Variants in SMYD4 observed in about 807,000 individuals in gnomAD.
The protein encoded by SMYD4 is SET and MYND domain containing 4.
In SMYD4, 68 loss-of-function variants were observed where a neutral mutation model predicts 72.8. The ratio of observed to expected loss-of-function variants is 0.93; its 90% CI spans 0.77 to 1.14. The LOEUF is 1.14. SMYD4 is among the 50% of genes most tolerant of loss of function. The pLI, the probability that SMYD4 is intolerant of heterozygous loss-of-function variation, is 0.00. For missense variants in SMYD4, 984 were observed against 1,003.7 expected (o/e 0.98, Z 0.27); for synonymous variants, 407 against 388.6 (o/e 1.05, Z -0.56).
intron 7 of SMYD4, among the ~76,000 whole-genome samples, chr17:1,784,759 G>A (rs913809941): frequency 1.3e-5 from 2 of 152,130 alleles, no homozygotes; most frequent in Admixed American, 6.6e-5. Context: ...TTGGGGCCAG[G>A]ACTTTAGATG....
rs1909604998 is a variant in SMYD4 at position 1,799,785 on chromosome 17, A to C, written c.1537+72T>G. ...TTGTTTGAATCCTATTTTCCTTTGG[A>C]ATTGTTTCTTCTCAAACACCTGCTC... On this transcript the variant is annotated intron_variant, in intron 5 of 10. Coordinates refer to ENST00000305513, the MANE Select transcript of SMYD4 (RefSeq NM_052928.3). 19 of 1,404,468 alleles carry C rather than the reference A, an allele frequency of 1.4e-5. No homozygotes were observed. In the South Asian group the frequency reaches 2.6e-4, roughly 19 times the overall value. The allele number at this position is 1,404,468 out of a possible 1,614,324, so 87.0% of individuals were successfully genotyped here. A position where few individuals can be genotyped will look rare whatever the true frequency, so the allele number is the denominator to read the frequency against.
chr17:1,825,146 G>A lies in SMYD4; in HGVS notation c.134+2715C>T, dbSNP rs1188792045. Among the ~76,000 whole-genome samples, 3 of 152,210 alleles carry A rather than the reference G, an allele frequency of 2.0e-5. No homozygotes were observed. In the East Asian group the frequency reaches 5.8e-4, roughly 29 times the overall value. ...ACGTGAGAATGGAGTAACATGAGTA[G>A]GAATTTAATTTTAATAACTGAGGCA... On this transcript the variant is annotated intron_variant, in intron 2 of 10. Coordinates refer to ENST00000305513, the MANE Select transcript of SMYD4 (RefSeq NM_052928.3).
chr17:1,779,622 G>GT lies in SMYD4; in HGVS notation c.*1663dup, dbSNP rs1261975982. On this transcript the variant is annotated 3_prime_UTR_variant, in exon 11 of 11. Coordinates refer to ENST00000305513, the MANE Select transcript of SMYD4 (RefSeq NM_052928.3). ...AAGAGTACAGAATGAAGGGCAGAGA[G>GT]TAAGGACTGGAAAACTGGCAGGAAA... 6.6e-6 allele frequency: 1 copy of GT among 152,276 alleles called. No homozygotes were observed. Among genetic ancestry groups the GT allele is most frequent in the African/African-American group, 2.4e-5 (1 of 41,480 alleles). The allele number at this position is 152,276 out of a possible 1,614,324, so 9.4% of individuals were successfully genotyped here. A position where few individuals can be genotyped will look rare whatever the true frequency, so the allele number is the denominator to read the frequency against.
chr17:1,817,141 G>A (rs1339737937), intron 2 of SMYD4, among the ~76,000 whole-genome samples: 1 of 150,860 alleles, frequency 6.6e-6, no homozygotes, highest in Non-Finnish European at 1.5e-5. Context: ...GGGTTCAAGT[G>A]ATTCTCCTGC....
At chr17:1,801,424 T>C (rs1250831098) in intron 4 of SMYD4, among the ~76,000 whole-genome samples, 1 of 151,366 alleles carries the variant, frequency 6.6e-6, no homozygotes, top group Non-Finnish European at 1.5e-5. Context: ...GTATTTTTAG[T>C]AGAGACGGGG....
chr17:1,808,793 A>AAAAG (rs1156277998), intron 3 of SMYD4, among the ~76,000 whole-genome samples: 2 of 152,244 alleles, frequency 1.3e-5, no homozygotes, highest in Non-Finnish European at 2.9e-5. Flanking sequence ...TAGCTCTGAA[A>AAAAG]AAAGAACTAT....
intron 3 of SMYD4, among the ~76,000 whole-genome samples, chr17:1,809,437 C>T (rs1040611981): frequency 6.6e-6 from 1 of 150,860 alleles, no homozygotes; most frequent in Non-Finnish European, 1.5e-5. Flanking sequence ...TGCAGTGGTG[C>T]GATCTCGGCT....
At chr17:1,801,863 C>G (rs1909779662) in intron 4 of SMYD4, among the ~76,000 whole-genome samples, 1 of 151,846 alleles carries the variant, frequency 6.6e-6, no homozygotes, top group Non-Finnish European at 1.5e-5. Flanking sequence ...GTAGTCCCAG[C>G]TACTCAGCAG....
At chr17:1,809,680 T>G (rs1183534801) in intron 3 of SMYD4, among the ~76,000 whole-genome samples, 2 of 86,940 alleles carry the variant, frequency 2.3e-5, no homozygotes, top group African/African-American at 9.2e-5. Flanking sequence ...CGGCCTATTA[T>G]TATTGTTTTG....
intron 5 of SMYD4, among the ~76,000 whole-genome samples, chr17:1,789,214 C>A (rs1246422459): frequency 6.6e-6 from 1 of 151,648 alleles, no homozygotes; most frequent in Non-Finnish European, 1.5e-5. Context: ...ATGGCAAAAC[C>A]CTGTCTCTAC....
At position 1,825,014 on chromosome 17, in the gene SMYD4, G is replaced by A. The variant is rs896974201; in HGVS notation, c.134+2847C>T. On this transcript the variant is annotated intron_variant, in intron 2 of 10. Transcript: ENST00000305513. ...TGAGGGCTGTGCCTTTTTTTCCTTC[G>A]TCTTCCACCATGATGGTAAGTTTCC... Among the ~76,000 whole-genome samples, 11 of 151,904 alleles carry A rather than the reference G, an allele frequency of 7.2e-5. No individual in the cohort carries two copies. In the South Asian group the frequency reaches 8.3e-4, roughly 11 times the overall value.
chr17:1,804,610 G>A lies in SMYD4; in HGVS notation c.369+16C>T. 1 of 1,611,662 alleles carries A rather than the reference G, an allele frequency of 6.2e-7. No homozygotes were observed. The highest frequency in any genetic ancestry group is 8.5e-7 in the Non-Finnish European group (1 of 1,178,092). ...TCCGGATCCTGTCCTCTCATACCAG[G>A]TATCCTGATACTCACCTCATACTGA... On this transcript the variant is annotated intron_variant, in intron 4 of 10. Coordinates refer to ENST00000305513, the MANE Select transcript of SMYD4 (RefSeq NM_052928.3).
chr17:1,787,094 C>A, intron 6 of SMYD4, 121 bp from the exon 7 acceptor site: 1 of 1,276,558 alleles, frequency 7.8e-7, no homozygotes, highest in Non-Finnish European at 1.1e-6. Context: ...AACCTTTACC[C>A]AAATATTTGT....
intron 2 of SMYD4, among the ~76,000 whole-genome samples, chr17:1,823,129 G>C (rs1297085817): frequency 6.6e-6 from 1 of 151,618 alleles, no homozygotes; most frequent in Non-Finnish European, 1.5e-5. Flanking sequence ...CCAGCACTTT[G>C]GGAGGCTGAG....
chr17:1,818,455 T>C (rs558265625), intron 2 of SMYD4, among the ~76,000 whole-genome samples: 16 of 152,290 alleles, frequency 1.1e-4, no homozygotes, highest in Admixed American at 5.2e-4. Flanking sequence ...AATAAGGACA[T>C]TCTCCTATAT....
rs1909630802 is a variant in SMYD4 at position 1,800,070 on chromosome 17, G to C, written c.1324C>G (p.Leu442Val). ...TENHSPEHKFLCALCVSALCR... is the reference protein window; with the variant it reads ...TENHSPEHKFVCALCVSALCR... The stretch of plus-strand genomic sequence containing the variant: ...AGTGCAGAAACACAGAGAGCACAGA[G>C]GAATTTGTGCTCTGGGCTATGGTTT... Residue 442 changes from leucine to valine, a missense_variant, in exon 5 of 11, where the codon CTC (leucine) becomes GTC (valine). Leu to Val is a conservative substitution (Grantham distance 32). Coordinates refer to ENST00000305513, the MANE Select transcript of SMYD4 (RefSeq NM_052928.3). 3 of 1,612,508 alleles carry C rather than the reference G, an allele frequency of 1.9e-6. No individual in the cohort carries two copies. The highest frequency in any genetic ancestry group is 2.5e-6 in the Non-Finnish European group (3 of 1,178,820).
At chr17:1,784,836 C>A (rs1251542962) in intron 7 of SMYD4, among the ~76,000 whole-genome samples, 2 of 151,934 alleles carry the variant, frequency 1.3e-5, no homozygotes, top group East Asian at 3.9e-4. Flanking sequence ...GTGGTGCGAT[C>A]TCGGCTCACT....
chr17:1,804,407 C>T, intron 4 of SMYD4: 1 of 423,648 alleles, frequency 2.4e-6, no homozygotes, highest in Non-Finnish European at 4.5e-6. Flanking sequence ...GAACTCTTGA[C>T]CTCAGGTGAT....
chr17:1,821,412 G>A (rs1910884068), intron 2 of SMYD4, among the ~76,000 whole-genome samples: 1 of 151,982 alleles, frequency 6.6e-6, no homozygotes, highest in African/African-American at 2.4e-5. Context: ...TACTCGGGAG[G>A]TGGAGGCAGG....
Sources: allele counts gnomAD v4.1 joint callset (sites outside exome capture counted in the v4.1 genomes callset), GRCh38; gene constraint gnomAD v4.1.1; transcripts MANE v1.5; gene names NCBI Gene and HGNC (gene_info 2026-07-23, HGNC 2026-07-21).